Variants in TRPM6 observed in about 807,000 individuals in gnomAD.
TRPM6 encodes the protein transient receptor potential cation channel subfamily M member 6.
A neutral mutation model predicts 247.6 loss-of-function variants in TRPM6; 111 were observed. The ratio of observed to expected loss-of-function variants is 0.45; its 90% CI spans 0.38 to 0.52. The LOEUF is 0.52. Among genes scored for constraint, TRPM6 ranks in the 20% least tolerant of loss-of-function variants. The pLI is 0.00. For missense variants in TRPM6, 2,126 were observed against 2,421.5 expected, an observed-to-expected ratio of 0.88 and a Z score of 2.56; for synonymous variants, 892 against 853.8, an observed-to-expected ratio of 1.04 and a Z score of -0.78.
intron 15 of TRPM6, among the ~76,000 whole-genome samples, chr9:74,803,148 T>C (rs759304440): frequency 2.0e-5 from 3 of 152,188 alleles, no homozygotes; most frequent in Non-Finnish European, 2.9e-5. Context: ...TTTTATAAAA[T>C]ACCTCTTTCA....
At chr9:74,813,206 T>A (rs1305315294) in intron 11 of TRPM6, among the ~76,000 whole-genome samples, 2 of 152,110 alleles carry the variant, frequency 1.3e-5, no homozygotes, top group Non-Finnish European at 2.9e-5. Context: ...AAAACTACAG[T>A]AAAGGGATTT....
rs34100441 is a variant in TRPM6, at chr9:74,816,465, GA to G, written c.1308+203del. 0.44 allele frequency among the ~76,000 whole-genome samples: 41,009 copies of G among 93,580 alleles called. 6,872 individuals are homozygous for G. Among genetic ancestry groups the G allele is most frequent in the East Asian group, 0.65 (1,844 of 2,852 alleles). 61.4% of individuals were successfully genotyped at this position (93,580 alleles called of 152,430 possible). ...AGCTTCAGGTAGATTGCAGAGCCAG[GA>G]AAAAAAAAAAAAAAAAAAAAAAACA... On this transcript the variant is annotated intron_variant, in intron 11 of 38. Coordinates refer to ENST00000360774, the MANE Select transcript of TRPM6 (RefSeq NM_017662.5).
intron 27 of TRPM6, 137 bp from the exon 28 acceptor site, chr9:74,755,610 C>T: frequency 9.3e-7 from 1 of 1,076,414 alleles, no homozygotes; most frequent in Non-Finnish European, 1.4e-6. Context: ...GAAGTGCTGA[C>T]AAATCCCATC....
intron 6 of TRPM6, 134 bp from the exon 7 acceptor site, chr9:74,828,083 G>A (rs972315673): frequency 2.2e-6 from 2 of 916,686 alleles, no homozygotes; most frequent in East Asian, 2.5e-5. Context: ...GCCAGGCATG[G>A]TGGCTCATGC....
chr9:74,856,467 CTGTGTGTG>C (rs57338419), intron 2 of TRPM6, among the ~76,000 whole-genome samples: 4 of 147,714 alleles, frequency 2.7e-5, no homozygotes, highest in South Asian at 2.1e-4. Context: ...GTGTGTGTGT[CTGTGTGTG>C]TGTGTGTGTG....
Position 74,792,783 on chromosome 9 carries a change from C to T in TRPM6, c.2392-13G>A, listed in dbSNP as rs746496618. 5.0e-6 allele frequency: 8 copies of T among 1,610,878 alleles called. No individual in the cohort carries two copies. The highest frequency in any genetic ancestry group is 5.9e-6 in the Non-Finnish European group (7 of 1,177,380). On this transcript the variant is annotated splice_polypyrimidine_tract_variant and intron_variant, in intron 18 of 38. Coordinates refer to ENST00000360774, the MANE Select transcript of TRPM6 (RefSeq NM_017662.5). ...AATCATACTCTTTCTATAAAATAAA[C>T]AAATAATCATTTTCTTGTCAGCAGC...
chr9:74,801,077 C>T (rs58246450), intron 16 of TRPM6, among the ~76,000 whole-genome samples: 2 of 151,740 alleles, frequency 1.3e-5, no homozygotes, highest in Non-Finnish European at 2.9e-5. Context: ...AATGTTTCCT[C>T]TGAAAGGTAG....
chr9:74,741,693 C>G (rs1243339934), intron 33 of TRPM6, among the ~76,000 whole-genome samples: 2 of 151,794 alleles, frequency 1.3e-5, no homozygotes, highest in African/African-American at 4.8e-5. Context: ...AGTTTGAGAC[C>G]AGCCTTAGTA....
intron 27 of TRPM6, among the ~76,000 whole-genome samples, chr9:74,757,394 T>C (rs1315276094): frequency 6.7e-6 from 1 of 149,098 alleles, no homozygotes; most frequent in African/African-American, 2.5e-5. Flanking sequence ...GTCGAAAACC[T>C]GTCTCTACTA....
At chr9:74,782,989 G>C in intron 21 of TRPM6, 136 bp from the exon 22 acceptor site, 1 of 819,770 alleles carries the variant, frequency 1.2e-6, no homozygotes, top group Non-Finnish European at 2.0e-6. Flanking sequence ...CCTTGTGCAG[G>C]AACAGCTAGA....
At chr9:74,871,104 G>T (rs917266365) in intron 1 of TRPM6, among the ~76,000 whole-genome samples, 3 of 152,100 alleles carry the variant, frequency 2.0e-5, no homozygotes, top group Non-Finnish European at 4.4e-5. Flanking sequence ...TTATAACTGT[G>T]ACAAAGCTGC....
rs757029591 is a variant in TRPM6, at chr9:74,762,399, T to C, written c.4272A>G (p.Leu1424=). The change falls in exon 26 of 39, where the codon CTA becomes CTG. Residue 1424 remains leucine (L), a synonymous_variant. Coordinates refer to ENST00000360774, the MANE Select transcript of TRPM6 (RefSeq NM_017662.5). ...GTTCAGGTGTGCAACTCAAAGTGGG[T>C]AGCACTTGCTCTGCCTTGTCTTGTC... ...LDGQDKAEQV[L]PTLSCTPEPM... 1.5e-5 allele frequency: 25 copies of C among 1,614,060 alleles called. No individual in the cohort carries two copies. The highest frequency in any genetic ancestry group is 3.3e-5 in the Admixed American group (2 of 59,988).
chr9:74,747,132 T>A (rs1254755277), intron 31 of TRPM6, among the ~76,000 whole-genome samples: 1 of 152,180 alleles, frequency 6.6e-6, no homozygotes, highest in Non-Finnish European at 1.5e-5. Context: ...TTCAGAAAAG[T>A]GATGGGGCAC....
Position 74,731,391 on chromosome 9 carries a change from TAAAGTG to T in TRPM6, c.5828+1288_5828+1293del, listed in dbSNP as rs901616704. Among the ~76,000 whole-genome samples, 63 of 152,156 alleles carry T rather than the reference TAAAGTG, an allele frequency of 4.1e-4. 1 individual carries two copies. Among genetic ancestry groups the T allele is most frequent in the Admixed American group, 3.8e-3 (58 of 15,270 alleles). On this transcript the variant is annotated intron_variant, in intron 37 of 38. Coordinates refer to ENST00000360774, the MANE Select transcript of TRPM6 (RefSeq NM_017662.5). ...TTAGCTAAAAACACTTTAGCAGAGC[TAAAGTG>T]AAACATAATAAAGTCTTTATGTATA...
Position 74,824,896 on chromosome 9 carries a change from T to A in TRPM6, c.841+2882A>T, listed in dbSNP as rs539326524. Among the ~76,000 whole-genome samples the A allele has an allele frequency of 5.6e-4, 85 of 151,484 alleles. 2 individuals are homozygous for A. Among genetic ancestry groups the A allele is most frequent in the Admixed American group, 5.3e-3 (80 of 15,220 alleles). On this transcript the variant is annotated intron_variant, in intron 7 of 38. Coordinates refer to ENST00000360774, the MANE Select transcript of TRPM6 (RefSeq NM_017662.5). The stretch of plus-strand genomic sequence containing the variant: ...TATAATGTGAGTCTTTTTTTTTTTT[T>A]AAAGTATTCTCTGCCAACAACAAGG...
At chr9:74,771,868 C>A in intron 24 of TRPM6, 33 bp from the exon 25 acceptor site, 3 of 1,605,190 alleles carry the variant, frequency 1.9e-6, no homozygotes, top group Non-Finnish European at 2.6e-6. Flanking sequence ...CAGAAAGAAT[C>A]ATTATTCACC....
chr9:74,751,159 T>C (rs1826230987), intron 29 of TRPM6, among the ~76,000 whole-genome samples: 1 of 152,192 alleles, frequency 6.6e-6, no homozygotes, highest in Non-Finnish European at 1.5e-5. Context: ...TCTCAGGTCA[T>C]GATGATTATT....
chr9:74,830,809 C>T (rs1300771585), intron 6 of TRPM6, among the ~76,000 whole-genome samples: 2 of 119,808 alleles, frequency 1.7e-5, no homozygotes, highest in African/African-American at 3.4e-5. Flanking sequence ...GTTCCTCAGG[C>T]TAGTCTCAAA....
At chr9:74,838,499 G>A (rs907520681) in intron 5 of TRPM6, among the ~76,000 whole-genome samples, 3 of 152,168 alleles carry the variant, frequency 2.0e-5, no homozygotes, top group Admixed American at 6.5e-5. Flanking sequence ...AAGGAACTTT[G>A]TTATGTCAGT....
Sources: gnomAD v4.1 joint callset for allele counts (sites outside exome capture counted in the v4.1 genomes callset) on GRCh38, gnomAD v4.1.1 for gene constraint, MANE v1.5 for transcripts, NCBI Gene and HGNC (gene_info 2026-07-23, HGNC 2026-07-21) for gene names.